SLIT3: variants seen among roughly 807,000 people sequenced by gnomAD.
The protein encoded by SLIT3 is slit guidance ligand 3.
A neutral mutation model predicts 184.0 loss-of-function variants in SLIT3; 68 were observed. The ratio of observed to expected loss-of-function variants is 0.37; its 90% CI spans 0.30 to 0.45. The LOEUF (loss-of-function observed/expected upper bound fraction) is 0.45, where lower values mean the gene tolerates loss of function less well. Among genes scored for constraint, SLIT3 ranks in the 20% least tolerant of loss-of-function variants. The probability of loss-of-function intolerance (pLI) is 1.00; values close to 1 mark genes in which losing one functional copy is unlikely to be tolerated. For synonymous variants in SLIT3, 831 were observed against 828.6 expected, an observed-to-expected ratio of 1.00 and a Z score of -0.05; for missense variants, 1,707 against 2,026.0, an observed-to-expected ratio of 0.84 and a Z score of 3.02.
intron 4 of SLIT3, among the ~76,000 whole-genome samples, chr5:169,093,619 T>C (rs891313264): frequency 6.6e-6 from 1 of 152,198 alleles, no homozygotes; most frequent in Non-Finnish European, 1.5e-5. Context: ...AGTTTTACAA[T>C]AGAGTAGCTC....
At chr5:168,833,938 T>C (rs979440040) in intron 6 of SLIT3, among the ~76,000 whole-genome samples, 4 of 152,174 alleles carry the variant, frequency 2.6e-5, no homozygotes, top group Non-Finnish European at 5.9e-5. Context: ...CATTTCTGGA[T>C]TGGGAATCAT....
intron 20 of SLIT3, 94 bp downstream of exon 20, chr5:168,748,208 C>T: frequency 7.3e-7 from 1 of 1,369,530 alleles, no homozygotes; most frequent in Non-Finnish European, 9.6e-7. Flanking sequence ...GGCAGTTTCG[C>T]CATGTTGCCT....
intron 9 of SLIT3, among the ~76,000 whole-genome samples, chr5:168,798,829 T>C (rs1460225381): frequency 6.6e-6 from 1 of 152,096 alleles, no homozygotes; most frequent in Non-Finnish European, 1.5e-5. Context: ...TCTGACTTAA[T>C]AGTCACATTC....
intron 4 of SLIT3, among the ~76,000 whole-genome samples, chr5:169,027,674 T>C (rs1756878051): frequency 6.6e-6 from 1 of 152,210 alleles, no homozygotes; most frequent in South Asian, 2.1e-4. Context: ...AATTTGCTTG[T>C]ATAAACAGAA....
chr5:168,999,899 G>A (rs1438179280), intron 4 of SLIT3, among the ~76,000 whole-genome samples: 2 of 152,192 alleles, frequency 1.3e-5, no homozygotes, highest in East Asian at 1.9e-4. Context: ...TCTTGAGCTC[G>A]ATGGCCTTGT....
rs796425811 is a variant in SLIT3 at position 168,666,846 on chromosome 5, T to G, written c.4337-157A>C. On this transcript the variant is annotated intron_variant, in intron 35 of 35. Transcript: ENST00000519560. The stretch of plus-strand genomic sequence containing the variant: ...CTACCCTCCCCTCCATCCACCCATC[T>G]ATTTTACAAACAGGTGCCTTTCCTG... The G allele has an allele frequency of 5.6e-6, 7 of 1,252,980 alleles. No homozygotes were observed. The African/African-American group carries it at 8.9e-5, about 16-fold the overall frequency. 77.6% of individuals were successfully genotyped at this position (1,252,980 alleles called of 1,614,324 possible). A position where few individuals can be genotyped will look rare whatever the true frequency, so the allele number is the denominator to read the frequency against.
intron 4 of SLIT3, among the ~76,000 whole-genome samples, chr5:169,123,394 A>C (rs1760956788): frequency 6.6e-6 from 1 of 152,178 alleles, no homozygotes. Context: ...GATGATGTTG[A>C]ATATGAAGCC....
chr5:168,881,054 G>A (rs1455752861), intron 5 of SLIT3, among the ~76,000 whole-genome samples: 2 of 152,154 alleles, frequency 1.3e-5, no homozygotes, highest in Non-Finnish European at 2.9e-5. Flanking sequence ...TTCCCCTTAG[G>A]TGTTTTTGGT....
At chr5:169,167,748 TC>T (rs1183336102) in intron 4 of SLIT3, among the ~76,000 whole-genome samples, 1 of 152,078 alleles carries the variant, frequency 6.6e-6, no homozygotes, top group African/African-American at 2.4e-5. Context: ...TACCTGAACT[TC>T]TGCTTCCTCT....
intron 4 of SLIT3, among the ~76,000 whole-genome samples, chr5:168,915,243 C>T (rs1761395195): frequency 6.6e-6 from 1 of 152,194 alleles, no homozygotes; most frequent in African/African-American, 2.4e-5. Flanking sequence ...AATCATTTTA[C>T]AACCTCTAAT....
At chr5:169,067,711 G>A (rs146891597) in intron 4 of SLIT3, among the ~76,000 whole-genome samples, 39 of 152,288 alleles carry the variant, frequency 2.6e-4, no homozygotes, top group Non-Finnish European at 5.0e-4. Context: ...GAGTGAAATG[G>A]AGGGTGTTTC....
intron 4 of SLIT3, among the ~76,000 whole-genome samples, chr5:169,053,443 C>G (rs559019387): frequency 5.2e-4 from 79 of 152,252 alleles, no homozygotes; most frequent in African/African-American, 1.9e-3. Flanking sequence ...TTCTTCCTCT[C>G]TAGGGGAGTT....
At chr5:169,088,372 C>T (rs1320519175) in intron 4 of SLIT3, among the ~76,000 whole-genome samples, 1 of 151,998 alleles carries the variant, frequency 6.6e-6, no homozygotes, top group East Asian at 1.9e-4. Context: ...GCCTCCTACT[C>T]CCCTGTCAAA....
intron 20 of SLIT3, among the ~76,000 whole-genome samples, chr5:168,733,801 A>T (rs1043701161): frequency 3.0e-4 from 14 of 46,742 alleles, no homozygotes; most frequent in African/African-American, 9.7e-4. Context: ...AAAAAAAATT[A>T]AAAAAAAAAA....
chr5:168,681,460 C>T (rs375280466), intron 32 of SLIT3, among the ~76,000 whole-genome samples: 5 of 152,142 alleles, frequency 3.3e-5, no homozygotes, highest in African/African-American at 2.4e-5. Flanking sequence ...AGCCTTGGGC[C>T]CCTGAGGATT....
At chr5:168,743,164 G>A (rs1331040080) in intron 20 of SLIT3, among the ~76,000 whole-genome samples, 2 of 152,128 alleles carry the variant, frequency 1.3e-5, no homozygotes, top group Non-Finnish European at 2.9e-5. Flanking sequence ...AGTCTGGGTC[G>A]CGTTCTGTCA....
chr5:169,222,873 C>A (rs530964627), intron 3 of SLIT3, among the ~76,000 whole-genome samples: 6 of 152,150 alleles, frequency 3.9e-5, no homozygotes, highest in Admixed American at 6.5e-5. Context: ...CCCAGCCCAC[C>A]GTTGACCAAA....
At chr5:168,807,412 T>C (rs1561943650) in intron 8 of SLIT3, among the ~76,000 whole-genome samples, 1 of 152,362 alleles carries the variant, frequency 6.6e-6, no homozygotes, top group East Asian at 1.9e-4. Context: ...GCAAATGTTT[T>C]AAGGACATTG....
At chr5:168,868,760 A>AAAAAAAAT in intron 5 of SLIT3, among the ~76,000 whole-genome samples, 1 of 149,620 alleles carries the variant, frequency 6.7e-6, no homozygotes, top group African/African-American at 2.5e-5. Context: ...AAAAAAAAAA[A>AAAAAAAAT]AAAAAAGAAA....
Sources: allele counts gnomAD v4.1 joint callset (sites outside exome capture counted in the v4.1 genomes callset), GRCh38; gene constraint gnomAD v4.1.1; transcripts MANE v1.5; gene names NCBI Gene and HGNC (gene_info 2026-07-23, HGNC 2026-07-21).